The following SF3B1 variants were observed in gnomAD, a reference collection of about 807,000 sequenced individuals.
SF3B1 encodes the protein pre-mRNA processing 10.
Under a neutral mutation model 153.8 loss-of-function variants are expected in SF3B1, and 12 were observed. That is an observed-to-expected ratio of 0.08 (90% CI 0.05 to 0.13). The LOEUF (loss-of-function observed/expected upper bound fraction) is 0.13. Among genes scored for constraint, SF3B1 ranks in the 10% least tolerant of loss-of-function variants. The probability of loss-of-function intolerance (pLI) is 1.00; values close to 1 mark genes in which losing one functional copy is unlikely to be tolerated. For missense variants in SF3B1, 513 were observed against 1,606.1 expected, an observed-to-expected ratio of 0.32 and a Z score of 11.63; for synonymous variants, 498 against 525.2, an observed-to-expected ratio of 0.95 and a Z score of 0.71.
chr2:197,424,090 A>C, intron 1 of SF3B1, 116 bp from the exon 2 acceptor site: 4 of 871,370 alleles, frequency 4.6e-6, no homozygotes, highest in Non-Finnish European at 7.1e-6. Flanking sequence ...AAAATGTACA[A>C]TAATTGCACC....
rs2084896118 is a variant in SF3B1 at position 197,397,976 on chromosome 2, A to C, written c.3266+9T>G. The C allele has an allele frequency of 6.3e-7, 1 of 1,599,224 alleles. No individual in the cohort carries two copies. The highest frequency in any genetic ancestry group is 1.8e-5 in the Admixed American group (1 of 56,672). ...TAATTTTTTTTTAATGGAAGTAAAT[A>C]ACACTCACCCAATGGCCTTTGCAAT... On this transcript the variant is annotated intron_variant, in intron 22 of 24. Coordinates refer to ENST00000335508, the MANE Select transcript of SF3B1 (RefSeq NM_012433.4).
chr2:197,417,989 A>C (rs1021351519), intron 5 of SF3B1, among the ~76,000 whole-genome samples: 1 of 151,790 alleles, frequency 6.6e-6, no homozygotes, highest in Non-Finnish European at 1.5e-5. Context: ...TAATCCCAGC[A>C]CTTTGGCAGG....
At chr2:197,399,936 G>A (rs1009150981) in intron 20 of SF3B1, 119 bp downstream of exon 20, 8 of 674,746 alleles carry the variant, frequency 1.2e-5, no homozygotes, top group Admixed American at 9.0e-5. Context: ...CAATCTTGAA[G>A]TGCTTTTAAA....
At chr2:197,434,786 T>C (rs970479240) in intron 1 of SF3B1, among the ~76,000 whole-genome samples, 186 bp downstream of exon 1, 1 of 152,150 alleles carries the variant, frequency 6.6e-6, no homozygotes, top group Non-Finnish European at 1.5e-5. Context: ...GTCGGGGGTG[T>C]AAGAGGAGGA....
In SF3B1 at chr2:197,402,712, T is replaced by C. The variant is rs1373012215; in HGVS notation, c.1921A>G (p.Ile641Val). The C allele has an allele frequency of 2.5e-6, 4 of 1,614,060 alleles. No individual in the cohort carries two copies. The highest frequency in any genetic ancestry group is 3.4e-6 in the Non-Finnish European group (4 of 1,180,012). Residue 641 changes from isoleucine (I) to valine (V), a missense_variant, in exon 14 of 25, where the codon ATT becomes GTT. Physicochemically the swap from Ile to Val is conservative, Grantham distance 29. Coordinates refer to ENST00000335508, the MANE Select transcript of SF3B1 (RefSeq NM_012433.4). The surrounding 1 kb of genome is among the most constrained non-coding windows in gnomAD (Gnocchi z 4.6). ...AFAVVASALG[I>V]PSLLPFLKAV... is the part of the protein sequence containing the mutation. ...TTTAAGAAGGGCAATAAAGAAGGAA[T>C]GCCCAGGGCAGAGGCTACAACAGCA...
chr2:197,407,980 T>G lies in SF3B1; in HGVS notation c.1239+18A>C, dbSNP rs750650634. 1 of 1,606,706 alleles carries G rather than the reference T, an allele frequency of 6.2e-7. No homozygotes were observed. Among genetic ancestry groups the G allele is most frequent in the Non-Finnish European group, 8.5e-7 (1 of 1,174,948 alleles). The stretch of plus-strand genomic sequence containing the variant: ...ATGTATATCCTAAATACCACCTCAT[T>G]CAAATTTGATGTACTACCTTATATC... On this transcript the variant is annotated intron_variant, in intron 9 of 24. Coordinates refer to ENST00000335508, the MANE Select transcript of SF3B1 (RefSeq NM_012433.4).
chr2:197,408,691 C>T (rs2085025465), intron 7 of SF3B1, 110 bp from the exon 8 acceptor site: 6 of 772,078 alleles, frequency 7.8e-6, no homozygotes, highest in Non-Finnish European at 1.3e-5. Flanking sequence ...ATAGAATATT[C>T]CTAAAATGGT....
intron 9 of SF3B1, among the ~76,000 whole-genome samples, chr2:197,407,150 A>G (rs1398891730): frequency 2.3e-4 from 35 of 151,808 alleles, no homozygotes. Context: ...AGTCATTAAC[A>G]GAAAAAGCTC....
chr2:197,419,152 T>C lies in SF3B1; in HGVS notation c.416-564A>G, dbSNP rs555299839. 46 of 493,360 alleles carry C rather than the reference T, an allele frequency of 9.3e-5. No individual in the cohort carries two copies. The South Asian group carries it at 1.4e-3, about 15-fold the overall frequency. 30.6% of individuals were successfully genotyped at this position (493,360 alleles called of 1,614,324 possible). On this transcript the variant is annotated intron_variant, in intron 4 of 24. Coordinates refer to ENST00000335508, the MANE Select transcript of SF3B1 (RefSeq NM_012433.4). Reference sequence around the variant, plus strand: ...TAATCTTATTCTGATGTCACGTTACTAAAAAGGGCTTCATGCTTTAAGTTT... The same window carrying C: ...TAATCTTATTCTGATGTCACGTTACCAAAAAGGGCTTCATGCTTTAAGTTT...
At position 197,401,328 on chromosome 2, in the gene SF3B1, A is replaced by G. The variant is rs2084935063; in HGVS notation, c.2496+72T>C. The G allele has an allele frequency of 1.1e-5, 14 of 1,333,104 alleles. No homozygotes were observed. The highest frequency in any genetic ancestry group is 1.4e-5 in the Non-Finnish European group (13 of 960,320). 82.6% of individuals were successfully genotyped at this position (1,333,104 alleles called of 1,614,324 possible). The stretch of plus-strand genomic sequence containing the variant: ...TAATCAAGGCAAAAAATAATATACA[A>G]CATGCATTCAAGTTGACTAAAGAAT... On this transcript the variant is annotated intron_variant, in intron 17 of 24. Coordinates refer to ENST00000335508, the MANE Select transcript of SF3B1 (RefSeq NM_012433.4). The surrounding 1 kb of genome is among the most constrained non-coding windows in gnomAD (Gnocchi z 4.2).
intron 6 of SF3B1, among the ~76,000 whole-genome samples, chr2:197,412,584 C>A (rs553985439): frequency 3.3e-5 from 5 of 151,628 alleles, no homozygotes; most frequent in African/African-American, 1.2e-4. Flanking sequence ...CTCAACCTCT[C>A]GACCTCAGGT....
In SF3B1 at chr2:197,390,880, C is replaced by A. The variant is rs2084804021; in HGVS notation, c.*1423G>T. On this transcript the variant is annotated 3_prime_UTR_variant, in exon 25 of 25. Coordinates refer to ENST00000335508, the MANE Select transcript of SF3B1 (RefSeq NM_012433.4). ...CCTCCCAAAGTGCTGGGATTACAGG[C>A]ATGAGCCACCACACCCGGCCACAAG... The A allele has an allele frequency of 6.6e-6, 1 of 152,258 alleles. No individual in the cohort carries two copies. Among genetic ancestry groups the A allele is most frequent in the Non-Finnish European group, 1.5e-5 (1 of 68,078 alleles). 9.4% of individuals were successfully genotyped at this position (152,258 alleles called of 1,614,324 possible).
chr2:197,393,223 G>A (rs748484509), intron 23 of SF3B1, 35 bp from the exon 24 acceptor site: 297 of 1,389,766 alleles, frequency 2.1e-4, no homozygotes, highest in Admixed American at 3.3e-4. Context: ...TTTAAGATGC[G>A]GTCTTATAAG....
intron 1 of SF3B1, among the ~76,000 whole-genome samples, chr2:197,425,726 G>A (rs1049793928): frequency 2.0e-5 from 3 of 151,910 alleles, no homozygotes; most frequent in Non-Finnish European, 4.4e-5. Flanking sequence ...GGAGGCAGAC[G>A]CGGTAGCTCA....
rs370961736 is a variant in SF3B1, at chr2:197,410,045, A to G, written c.667-38T>C. The G allele has an allele frequency of 4.3e-5, 57 of 1,330,910 alleles. No individual in the cohort carries two copies. In the African/African-American group the frequency reaches 7.2e-4, roughly 17 times the overall value. The allele number at this position is 1,330,910 out of a possible 1,614,324, so 82.4% of individuals were successfully genotyped here. A position where few individuals can be genotyped will look rare whatever the true frequency, so the allele number is the denominator to read the frequency against. On this transcript the variant is annotated intron_variant, in intron 6 of 24. Transcript: ENST00000335508. ...AAAAAATTTTATTTCACACACCCAC[A>G]CAGAAATAATTAGAAAATTTCCATA...
chr2:197,420,244 C>T lies in SF3B1; in HGVS notation c.415+184G>A, dbSNP rs116815093. 4.7e-3 allele frequency: 2,202 copies of T among 464,938 alleles called. 54 individuals carry two copies. The highest frequency in any genetic ancestry group is 0.041 in the African/African-American group (2,024 of 49,926). The allele number at this position is 464,938 out of a possible 1,614,324, so 28.8% of individuals were successfully genotyped here. A position where few individuals can be genotyped will look rare whatever the true frequency, so the allele number is the denominator to read the frequency against. On this transcript the variant is annotated intron_variant, in intron 4 of 24. Coordinates refer to ENST00000335508, the MANE Select transcript of SF3B1 (RefSeq NM_012433.4). ...CTTGTCCTTCTACCTGGAAAGAAAA[C>T]TTGCATTATAAAGATGAAGAATATG...
At chr2:197,396,630 AAT>A (rs1454345044) in intron 22 of SF3B1, among the ~76,000 whole-genome samples, 7 of 152,224 alleles carry the variant, frequency 4.6e-5, no homozygotes, top group African/African-American at 1.7e-4. Context: ...AACTTTCTGA[AAT>A]ATAAAGAAAT....
intron 1 of SF3B1, 75 bp from the exon 2 acceptor site, chr2:197,424,049 G>A: frequency 3.2e-6 from 4 of 1,230,900 alleles, no homozygotes; most frequent in Non-Finnish European, 4.6e-6. Flanking sequence ...TTCTTTACTA[G>A]GTAATTATCA....
intron 22 of SF3B1, among the ~76,000 whole-genome samples, chr2:197,396,957 T>C (rs2084881791): frequency 6.6e-6 from 1 of 152,248 alleles, no homozygotes; most frequent in African/African-American, 2.4e-5. Context: ...GAGGGGGTGT[T>C]GTCTGGTATA....
Sources: gnomAD v4.1 joint callset for allele counts (sites outside exome capture counted in the v4.1 genomes callset) on GRCh38, gnomAD v4.1.1 for gene constraint, Gnocchi (gnomAD v3.1) non-coding constraint, MANE v1.5 for transcripts, NCBI Gene and HGNC (gene_info 2026-07-23, HGNC 2026-07-21) for gene names.